RIT2: variants seen among roughly 807,000 people sequenced by gnomAD.
RIT2 encodes Ras like without CAAX 2.
In RIT2, 24 loss-of-function variants were observed where a neutral mutation model predicts 23.7. The ratio of observed to expected loss-of-function variants is 1.01; its 90% CI spans 0.73 to 1.43. The LOEUF is 1.43. RIT2 is among the 40% of genes most tolerant of loss of function. The pLI is 0.00. For synonymous variants in RIT2, 107 were observed against 91.1 expected (o/e 1.17, Z -0.99); for missense variants, 236 against 266.9 (o/e 0.88, Z 0.81).
At chr18:42,892,961 A>G (rs1008247930) in intron 4 of RIT2, among the ~76,000 whole-genome samples, 3 of 152,172 alleles carry the variant, frequency 2.0e-5, no homozygotes, top group Non-Finnish European at 4.4e-5. Flanking sequence ...GAATCAAAAA[A>G]TTATTAGTAA....
Position 43,096,204 on chromosome 18 carries a change from A to G in RIT2, c.103+19213T>C, listed in dbSNP as rs532599206. 3.9e-5 allele frequency among the ~76,000 whole-genome samples: 6 copies of G among 152,046 alleles called. No homozygotes were observed. The East Asian group carries it at 1.2e-3, about 29-fold the overall frequency. ...ATCCACGAAAGCACATATTCTAATG[A>G]AGATGGTCTAGATTAGCACCAGCAC... On this transcript the variant is annotated intron_variant, in intron 1 of 4. Transcript: ENST00000326695.
At chr18:42,876,914 G>T (rs1907758099) in intron 4 of RIT2, among the ~76,000 whole-genome samples, 1 of 151,588 alleles carries the variant, frequency 6.6e-6, no homozygotes, top group African/African-American at 2.4e-5. Context: ...TTAAAATCTT[G>T]CTATCCCTGG....
chr18:42,753,426 G>A (rs1275227261), intron 4 of RIT2, among the ~76,000 whole-genome samples: 3 of 152,196 alleles, frequency 2.0e-5, no homozygotes, highest in African/African-American at 7.2e-5. Context: ...GAGTGAGGGA[G>A]ACTGGCAGAA....
chr18:42,837,153 CTTTTTTTTTTTT>C lies in RIT2; in HGVS notation c.426+86407_426+86418del, dbSNP rs570701535. 1.7e-3 allele frequency among the ~76,000 whole-genome samples: 87 copies of C among 51,698 alleles called. No individual in the cohort carries two copies. In the South Asian group the frequency reaches 0.03, roughly 18 times the overall value. 33.9% of individuals were successfully genotyped at this position (51,698 alleles called of 152,430 possible). ...TAAAAATTTCTTTTTTTTTCTTTTT[CTTTTTTTTTTTT>C]TTTTTTTTTTTTTTTTTTTTGAGAC... On this transcript the variant is annotated intron_variant, in intron 4 of 4. Coordinates refer to ENST00000326695, the MANE Select transcript of RIT2 (RefSeq NM_002930.4).
intron 4 of RIT2, among the ~76,000 whole-genome samples, chr18:42,763,885 C>T (rs1458460067): frequency 6.6e-6 from 1 of 152,028 alleles, no homozygotes; most frequent in Non-Finnish European, 1.5e-5. Context: ...ACACACACAT[C>T]AGCCTAGACC....
chr18:42,823,936 A>G (rs939377121), intron 4 of RIT2, among the ~76,000 whole-genome samples: 18 of 152,020 alleles, frequency 1.2e-4, no homozygotes, highest in African/African-American at 4.1e-4. Context: ...CAACCTTACT[A>G]TTATCAGGAA....
At chr18:42,822,643 A>G (rs1906185366) in intron 4 of RIT2, among the ~76,000 whole-genome samples, 1 of 152,138 alleles carries the variant, frequency 6.6e-6, no homozygotes, top group South Asian at 2.1e-4. Context: ...ACTCCATAAT[A>G]ATCAGAACCT....
At chr18:42,981,195 C>G (rs1910590171) in intron 2 of RIT2, among the ~76,000 whole-genome samples, 1 of 152,122 alleles carries the variant, frequency 6.6e-6, no homozygotes. Flanking sequence ...CCTGGCATCT[C>G]TTGGTCTACC....
At chr18:42,822,832 T>C (rs1467237855) in intron 4 of RIT2, among the ~76,000 whole-genome samples, 2 of 152,112 alleles carry the variant, frequency 1.3e-5, no homozygotes, top group Non-Finnish European at 2.9e-5. Context: ...ATTCATAGCA[T>C]AAAAAGCATC....
chr18:42,762,131 CTG>C (rs991794442), intron 4 of RIT2, among the ~76,000 whole-genome samples: 15 of 152,266 alleles, frequency 9.9e-5, no homozygotes, highest in African/African-American at 3.6e-4. Flanking sequence ...AAATAATTCT[CTG>C]TGAATTTTAT....
At position 43,105,126 on chromosome 18, in the gene RIT2, GTGTGTT is replaced by G. The variant is rs1389362420; in HGVS notation, c.103+10285_103+10290del. Among the ~76,000 whole-genome samples the G allele has an allele frequency of 3.2e-3, 481 of 150,506 alleles. 3 individuals carry two copies. The highest frequency in any genetic ancestry group is 0.011 in the African/African-American group (438 of 40,592). ...TGTGTGTGTGTGTGTGTGTGTGTGT[GTGTGTT>G]TGTGTGTGTGTGTGTGTGTTTGTGT... On this transcript the variant is annotated intron_variant, in intron 1 of 4. Transcript: ENST00000326695.
At chr18:43,017,073 G>C (rs1228606212) in intron 2 of RIT2, among the ~76,000 whole-genome samples, 3 of 151,860 alleles carry the variant, frequency 2.0e-5, no homozygotes, top group Non-Finnish European at 4.4e-5. Context: ...TATGGCACTA[G>C]GTAAATGTGT....
intron 1 of RIT2, among the ~76,000 whole-genome samples, chr18:43,062,066 G>C (rs544269083): frequency 6.6e-6 from 1 of 152,026 alleles, no homozygotes. Context: ...CCCACTTGCT[G>C]AGCTACGGGA....
chr18:42,823,401 C>T (rs1906205488), intron 4 of RIT2, among the ~76,000 whole-genome samples: 1 of 152,094 alleles, frequency 6.6e-6, no homozygotes, highest in Admixed American at 6.6e-5. Flanking sequence ...TTGTTATTTC[C>T]ATGCATCTGC....
At chr18:42,808,193 T>C (rs1905738304) in intron 4 of RIT2, among the ~76,000 whole-genome samples, 1 of 152,180 alleles carries the variant, frequency 6.6e-6, no homozygotes, top group South Asian at 2.1e-4. Context: ...TTGCACAAGA[T>C]AACTGAGAAG....
intron 2 of RIT2, among the ~76,000 whole-genome samples, chr18:42,999,662 T>A (rs1316660759): frequency 6.6e-6 from 1 of 152,050 alleles, no homozygotes; most frequent in African/African-American, 2.4e-5. Flanking sequence ...AAACAGTACC[T>A]GATCCATGAA....
chr18:42,975,097 C>A (rs1910448543), intron 2 of RIT2, among the ~76,000 whole-genome samples: 1 of 151,994 alleles, frequency 6.6e-6, no homozygotes, highest in Non-Finnish European at 1.5e-5. Flanking sequence ...TAAGCATTCC[C>A]TTTTATCTGC....
intron 1 of RIT2, among the ~76,000 whole-genome samples, chr18:43,107,886 G>A (rs749493964): frequency 5.9e-5 from 9 of 151,992 alleles, no homozygotes; most frequent in Admixed American, 2.0e-4. Context: ...AAATGTGGCC[G>A]GGTGCAGTGG....
intron 2 of RIT2, among the ~76,000 whole-genome samples, chr18:43,032,664 T>G (rs1911883589): frequency 7.0e-6 from 1 of 142,404 alleles, no homozygotes. Context: ...GTTGAGGAAG[T>G]CCTTTCCAGT....
Sources: gnomAD v4.1 joint callset for allele counts (sites outside exome capture counted in the v4.1 genomes callset) on GRCh38, gnomAD v4.1.1 for gene constraint, MANE v1.5 for transcripts, NCBI Gene and HGNC (gene_info 2026-07-23, HGNC 2026-07-21) for gene names.